The following SLC4A4 variants were observed in gnomAD, a reference collection of about 807,000 sequenced individuals.
The protein encoded by SLC4A4 is solute carrier family 4 member 4, also known as electrogenic sodium bicarbonate cotransporter 1.
SLC4A4 carries 27 observed loss-of-function variants against 111.5 expected under a neutral mutation model. The observed-to-expected ratio is 0.24, with a 90% CI of 0.18 to 0.33. SLC4A4 has a LOEUF of 0.33. Ranked by LOEUF, SLC4A4 falls within the 10% of genes least tolerant of loss-of-function variation. The pLI is 1.00. For synonymous variants in SLC4A4, 443 were observed against 463.4 expected, an observed-to-expected ratio of 0.96 and a Z score of 0.57; for missense variants, 909 against 1,315.5, an observed-to-expected ratio of 0.69 and a Z score of 4.78.
intron 7 of SLC4A4, among the ~76,000 whole-genome samples, chr4:71,404,724 T>C (rs1211557877): frequency 6.6e-6 from 1 of 152,150 alleles, no homozygotes; most frequent in South Asian, 2.1e-4. Context: ...AAAACAGCAA[T>C]ACCTTGTGAT....
At chr4:71,069,140 C>G (rs1741605297) in intron 1 of SLC4A4, among the ~76,000 whole-genome samples, 1 of 152,056 alleles carries the variant, frequency 6.6e-6, no homozygotes, top group Non-Finnish European at 1.5e-5. Flanking sequence ...TTTTTCAGGG[C>G]AGGCACATAC....
intron 2 of SLC4A4, among the ~76,000 whole-genome samples, chr4:71,112,154 C>T (rs1743106623): frequency 6.6e-6 from 1 of 152,208 alleles, no homozygotes; most frequent in Non-Finnish European, 1.5e-5. Context: ...GCTATGGCAC[C>T]AGATTTCTGC....
chr4:71,083,957 G>T (rs779978994), intron 1 of SLC4A4, among the ~76,000 whole-genome samples: 1 of 151,794 alleles, frequency 6.6e-6, no homozygotes, highest in Non-Finnish European at 1.5e-5. Flanking sequence ...TATTTTGGTA[G>T]TGGGATCTAT....
intron 3 of SLC4A4, among the ~76,000 whole-genome samples, chr4:71,313,979 G>A (rs1365189446): frequency 1.3e-5 from 2 of 152,064 alleles, no homozygotes; most frequent in African/African-American, 2.4e-5. Flanking sequence ...AGAGTGAACA[G>A]GCATCCTACA....
At chr4:71,331,031 A>C (rs1016709712) in intron 3 of SLC4A4, among the ~76,000 whole-genome samples, 1 of 152,194 alleles carries the variant, frequency 6.6e-6, no homozygotes, top group Non-Finnish European at 1.5e-5. Context: ...CCACAATGAG[A>C]TACCATCTCA....
chr4:71,226,062 GT>G (rs1719029829), intron 1 of SLC4A4, among the ~76,000 whole-genome samples: 1 of 152,174 alleles, frequency 6.6e-6, no homozygotes, highest in African/African-American at 2.4e-5. Context: ...ACATTACAGA[GT>G]TTTATTTGTC....
rs762098152 is a variant in SLC4A4 at position 71,364,371 on chromosome 4, A to G, written c.730+7184A>G. Among the ~76,000 whole-genome samples the G allele has an allele frequency of 3.8e-4, 58 of 152,218 alleles. 1 individual carries two copies. The highest frequency in any genetic ancestry group is 1.3e-4 in the Admixed American group (2 of 15,280). ...TAAATGAGATACCTTTGTGAAAATT[A>G]TTAAATAAGCAGAATGTGAGATACC... is the stretch of plus-strand genomic sequence containing the variant. On this transcript the variant is annotated intron_variant, in intron 6 of 25. Coordinates refer to ENST00000264485, the MANE Select transcript of SLC4A4 (RefSeq NM_001098484.3).
chr4:71,475,439 G>A (rs1012461690), intron 14 of SLC4A4, among the ~76,000 whole-genome samples: 7 of 151,852 alleles, frequency 4.6e-5, no homozygotes, highest in Non-Finnish European at 7.4e-5. Flanking sequence ...TGACGTTAAG[G>A]GTGGAATCTA....
intron 2 of SLC4A4, among the ~76,000 whole-genome samples, chr4:71,098,219 G>C (rs534034207): frequency 2.0e-5 from 3 of 152,108 alleles, no homozygotes; most frequent in Non-Finnish European, 2.9e-5. Flanking sequence ...TAAGGAAAGG[G>C]TCCAGTTTCA....
chr4:71,098,244 G>A (rs1742616287), intron 2 of SLC4A4, among the ~76,000 whole-genome samples: 1 of 152,076 alleles, frequency 6.6e-6, no homozygotes, highest in African/African-American at 2.4e-5. Context: ...TCTACATATG[G>A]CTAGCCAGTT....
intron 2 of SLC4A4, among the ~76,000 whole-genome samples, chr4:71,102,226 G>T (rs938710022): frequency 1.3e-5 from 2 of 149,678 alleles, no homozygotes; most frequent in Non-Finnish European, 3.0e-5. Flanking sequence ...AGAGAAAAAA[G>T]AATAAAAAGA....
At chr4:71,252,720 T>TC (rs1319940529) in intron 2 of SLC4A4, among the ~76,000 whole-genome samples, 1 of 152,122 alleles carries the variant, frequency 6.6e-6, no homozygotes, top group East Asian at 1.9e-4. Context: ...TAAAACGTGG[T>TC]CAAGAGTGGT....
In SLC4A4 at chr4:71,138,254, C is replaced by G. The variant is rs528211959; in HGVS notation, c.-2+45462C>G. On this transcript the variant is annotated intron_variant, in intron 2 of 26. Transcript: ENST00000649996. ...TATCACCTCTATTAATATATTAATA[C>G]TATCCATTCCTTGCTTGCCTCACTA... 2.0e-5 allele frequency among the ~76,000 whole-genome samples: 3 copies of G among 152,268 alleles called. No individual in the cohort carries two copies. The East Asian group carries it at 5.8e-4, about 29-fold the overall frequency.
intron 1 of SLC4A4, among the ~76,000 whole-genome samples, chr4:71,074,576 AAAAG>A (rs1578453364): frequency 1.3e-5 from 2 of 152,052 alleles, no homozygotes; most frequent in South Asian, 2.1e-4. Context: ...ATTATTAAGA[AAAAG>A]AAAGGAAGGA....
At chr4:71,255,702 A>G (rs1721401077) in intron 3 of SLC4A4, among the ~76,000 whole-genome samples, 1 of 152,202 alleles carries the variant, frequency 6.6e-6, no homozygotes, top group Non-Finnish European at 1.5e-5. Flanking sequence ...TACAGCAATA[A>G]ACAGTAACTG....
intron 14 of SLC4A4, among the ~76,000 whole-genome samples, chr4:71,475,541 T>G (rs1462767937): frequency 6.6e-6 from 1 of 151,892 alleles, no homozygotes; most frequent in Non-Finnish European, 1.5e-5. Flanking sequence ...CAGTGCTAAG[T>G]AACTAGGAAG....
chr4:71,365,010 T>G (rs191015582), intron 6 of SLC4A4, among the ~76,000 whole-genome samples: 1 of 152,334 alleles, frequency 6.6e-6, no homozygotes, highest in Admixed American at 6.5e-5. Flanking sequence ...TCATGGGCTT[T>G]CTAGTATTTT....
intron 1 of SLC4A4, among the ~76,000 whole-genome samples, chr4:71,223,096 C>T (rs1037908448): frequency 1.3e-5 from 2 of 152,094 alleles, no homozygotes; most frequent in African/African-American, 4.8e-5. Context: ...AGTGAGTCTA[C>T]TCTTTCACTA....
At chr4:71,386,492 C>T (rs1359572575) in intron 6 of SLC4A4, among the ~76,000 whole-genome samples, 2 of 152,044 alleles carry the variant, frequency 1.3e-5, no homozygotes, top group African/African-American at 4.8e-5. Context: ...CTTATCTATT[C>T]TCTTATGTTT....
Sources: gnomAD v4.1 joint callset for allele counts (sites outside exome capture counted in the v4.1 genomes callset) on GRCh38, gnomAD v4.1.1 for gene constraint, MANE v1.5 for transcripts, NCBI Gene and HGNC (gene_info 2026-07-23, HGNC 2026-07-21) for gene names.